The following KCNB2 variants were observed in gnomAD, a reference collection of about 807,000 sequenced individuals.
KCNB2 encodes the protein potassium voltage-gated channel subfamily B member 2, also known as delayed rectifier potassium channel protein.
In KCNB2, 15 loss-of-function variants were observed where a neutral mutation model predicts 61.5. The observed-to-expected ratio is 0.24, with a 90% CI of 0.16 to 0.38. The LOEUF (loss-of-function observed/expected upper bound fraction) is 0.38, where lower values mean the gene tolerates loss of function less well. Ranked by LOEUF, KCNB2 falls within the 10% of genes least tolerant of loss-of-function variation. KCNB2 has a pLI of 1.00. For synonymous variants in KCNB2, 457 were observed against 446.0 expected (o/e 1.02, Z -0.31); for missense variants, 828 against 1,125.2 (o/e 0.74, Z 3.78).
At chr8:72,642,782 G>T (rs1266197174) in intron 2 of KCNB2, among the ~76,000 whole-genome samples, 1 of 152,120 alleles carries the variant, frequency 6.6e-6, no homozygotes, top group East Asian at 1.9e-4. Context: ...GAGCTTCTTT[G>T]TTCGGAGCAA....
chr8:72,795,861 T>C (rs946509616), intron 2 of KCNB2, among the ~76,000 whole-genome samples: 42 of 152,128 alleles, frequency 2.8e-4, no homozygotes, highest in Non-Finnish European at 1.6e-4. Context: ...CAAGCAAGCA[T>C]CCCTCTCAGA....
chr8:72,781,797 T>A (rs986962093), intron 2 of KCNB2, among the ~76,000 whole-genome samples: 3 of 152,162 alleles, frequency 2.0e-5, no homozygotes, highest in Non-Finnish European at 2.9e-5. Flanking sequence ...AGGAATGAGA[T>A]CATGTCCTTT....
At position 72,936,981 on chromosome 8, in the gene KCNB2, G is replaced by A. The variant is rs933108759; in HGVS notation, c.1626G>A (p.Met542Ile). 1.2e-6 allele frequency: 2 copies of A among 1,614,160 alleles called. No homozygotes were observed. The highest frequency in any genetic ancestry group is 3.3e-5 in the Admixed American group (2 of 60,016). ...ATCTGAGTGCCCAGAAACTGGAGAT[G>A]CTATACAATGAAATCACCAAGACAC... is the stretch of plus-strand genomic sequence containing the variant. The part of the protein sequence containing the change: ...PQHLSAQKLE[M>I]LYNEITKTQP... Residue 542 changes from methionine (M) to isoleucine (I), a missense_variant, in exon 3 of 3, where the codon ATG (methionine) becomes ATA (isoleucine). Met to Ile is a conservative substitution (Grantham distance 10, BLOSUM62 1). Transcript: ENST00000523207. This position sits in a 1 kb window ranked among gnomAD's most constrained non-coding sequence, Gnocchi z 5.6.
chr8:72,869,799 G>T (rs938203765), intron 2 of KCNB2, among the ~76,000 whole-genome samples: 1 of 152,170 alleles, frequency 6.6e-6, no homozygotes, highest in Non-Finnish European at 1.5e-5. Flanking sequence ...TCAAAAAACT[G>T]AAAGTAGAAC....
intron 2 of KCNB2, among the ~76,000 whole-genome samples, chr8:72,711,750 G>T (rs1807330395): frequency 1.2e-5 from 1 of 82,754 alleles, no homozygotes; most frequent in South Asian, 3.1e-4. Context: ...AGCACTTTGG[G>T]AGGCCAAGGT....
chr8:72,858,297 T>G (rs752262639), intron 2 of KCNB2, among the ~76,000 whole-genome samples: 3 of 152,184 alleles, frequency 2.0e-5, no homozygotes, highest in Non-Finnish European at 4.4e-5. Flanking sequence ...TTAAATTGCT[T>G]TGGTCCAATA....
chr8:72,747,005 G>C (rs568363899), intron 2 of KCNB2, among the ~76,000 whole-genome samples: 1 of 152,108 alleles, frequency 6.6e-6, no homozygotes, highest in Non-Finnish European at 1.5e-5. Flanking sequence ...TGTTTTAAAA[G>C]GGTACCTGGG....
intron 2 of KCNB2, among the ~76,000 whole-genome samples, chr8:72,911,844 G>C (rs1464911109): frequency 1.3e-5 from 2 of 152,140 alleles, no homozygotes; most frequent in African/African-American, 4.8e-5. Context: ...TGTATAATGA[G>C]AACAACAGTA....
intron 2 of KCNB2, among the ~76,000 whole-genome samples, chr8:72,724,125 T>C (rs1378391612): frequency 2.0e-5 from 3 of 152,212 alleles, no homozygotes; most frequent in Admixed American, 6.5e-5. Context: ...TCTCTGGTCC[T>C]TTTATTTGTT....
chr8:72,859,988 G>A (rs11774987), intron 2 of KCNB2, among the ~76,000 whole-genome samples: 22,992 of 151,904 alleles, frequency 0.15, 2,368 homozygotes, highest in African/African-American at 0.3. Context: ...CAAAGTGCTA[G>A]GATTACAGGT....
chr8:72,910,995 G>A (rs980860480), intron 2 of KCNB2, among the ~76,000 whole-genome samples: 1 of 152,134 alleles, frequency 6.6e-6, no homozygotes, highest in African/African-American at 2.4e-5. Context: ...ATTTCCTATA[G>A]AGGAGACTTC....
intron 2 of KCNB2, among the ~76,000 whole-genome samples, chr8:72,801,909 A>G (rs745346318): frequency 2.9e-4 from 44 of 152,242 alleles, no homozygotes; most frequent in Admixed American, 5.9e-4. Flanking sequence ...CAAATGTAGA[A>G]TCACTTAAGC....
rs1563424611 is a variant in KCNB2 at position 72,920,455 on chromosome 8, ATCTATCTATCTATC to A, written c.580-15478_580-15465del. Among the ~76,000 whole-genome samples the A allele has an allele frequency of 8.8e-4, 58 of 66,214 alleles. 1 individual carries two copies. The highest frequency in any genetic ancestry group is 1.3e-3 in the South Asian group (3 of 2,328). The allele number at this position is 66,214 out of a possible 152,430, so 43.4% of individuals were successfully genotyped here. The stretch of plus-strand genomic sequence containing the variant: ...CCCTCTCCACTATATCTATCTATCT[ATCTATCTATCTATC>A]TATCTATATATATATATATTAGCTG... On this transcript the variant is annotated intron_variant, in intron 2 of 2. Transcript: ENST00000523207.
intron 1 of KCNB2, among the ~76,000 whole-genome samples, chr8:72,557,122 TAGGAATTCTGATGGGATGCA>T: frequency 6.6e-6 from 1 of 152,084 alleles, no homozygotes; most frequent in Non-Finnish European, 1.5e-5. Context: ...GATTTCAACA[TAGGAATTCTGATGGGATGCA>T]AGCATTCAGA....
At chr8:72,842,916 T>C (rs6982732) in intron 2 of KCNB2, among the ~76,000 whole-genome samples, 129,632 of 152,020 alleles carry the variant, frequency 0.85, 56,236 homozygotes, top group Middle Eastern at 0.97. Context: ...TTTGAAGAGT[T>C]TTTTGTGTCT....
At position 72,759,501 on chromosome 8, in the gene KCNB2, A is replaced by G. The variant is rs536256546; in HGVS notation, c.580-176434A>G. Among the ~76,000 whole-genome samples the G allele has an allele frequency of 1.2e-4, 19 of 152,278 alleles. No individual in the cohort carries two copies. The East Asian group carries it at 3.7e-3, about 29-fold the overall frequency. The stretch of plus-strand genomic sequence containing the variant: ...ACTCTGCTGCCTTCTTTCTCCTACC[A>G]CTGTTACCCAAAATTATGCAACCAC... On this transcript the variant is annotated intron_variant, in intron 2 of 2. Transcript: ENST00000523207.
intron 2 of KCNB2, among the ~76,000 whole-genome samples, chr8:72,831,062 T>G: frequency 6.6e-6 from 1 of 152,248 alleles, no homozygotes; most frequent in East Asian, 1.9e-4. Flanking sequence ...AGAAGCCCTC[T>G]TAACCTTCTG....
At chr8:72,920,230 G>T (rs1372090599) in intron 2 of KCNB2, among the ~76,000 whole-genome samples, 3 of 150,912 alleles carry the variant, frequency 2.0e-5, no homozygotes, top group Admixed American at 6.6e-5. Flanking sequence ...ATCATATAAT[G>T]AAAAAAACCC....
intron 2 of KCNB2, among the ~76,000 whole-genome samples, chr8:72,846,894 C>A (rs1158805631): frequency 2.6e-5 from 4 of 152,124 alleles, no homozygotes; most frequent in African/African-American, 9.7e-5. Flanking sequence ...TTGACCCAGC[C>A]ATCCCATTAC....
Sources: gnomAD v4.1 joint callset for allele counts (sites outside exome capture counted in the v4.1 genomes callset) on GRCh38, gnomAD v4.1.1 for gene constraint, Gnocchi (gnomAD v3.1) non-coding constraint, MANE v1.5 for transcripts, NCBI Gene and HGNC (gene_info 2026-07-23, HGNC 2026-07-21) for gene names.